CHDH: variants seen among roughly 807,000 people sequenced by gnomAD.
CHDH encodes the protein choline dehydrogenase, mitochondrial.
In CHDH, 43 loss-of-function variants were observed where a neutral mutation model predicts 56.9. The ratio of observed to expected loss-of-function variants is 0.76; its 90% CI spans 0.59 to 0.97. The LOEUF is 0.97. Ranked by LOEUF, CHDH falls within the 50% of genes least tolerant of loss-of-function variation. The pLI, the probability that CHDH is intolerant of heterozygous loss-of-function variation, is 0.00. For missense variants in CHDH, 816 were observed against 821.1 expected (o/e 0.99, Z 0.08); for synonymous variants, 364 against 348.5 (o/e 1.04, Z -0.50).
At chr3:53,831,098 T>C (rs1559758005) in intron 2 of CHDH, among the ~76,000 whole-genome samples, 1 of 152,192 alleles carries the variant, frequency 6.6e-6, no homozygotes, top group Non-Finnish European at 1.5e-5. Context: ...GAAGAGCCCT[T>C]GGGCCTTAAG....
rs764802189 is a variant in CHDH, at chr3:53,820,571, G to A, written c.1023C>T (p.Tyr341=). The A allele has an allele frequency of 8.1e-6, 13 of 1,613,964 alleles. No homozygotes were observed. The highest frequency in any genetic ancestry group is 1.1e-5 in the South Asian group (1 of 91,078). ...GQNLQDHLEI[Y]IQQACTRPIT... is the part of the protein sequence containing the mutation. ...TAGGGCGGGTGCATGCCTGCTGAAT[G>A]TAGATCTCCAGGTGGTCTTGCAGGT... is the stretch of plus-strand genomic sequence containing the variant. The change falls in exon 6 of 9, where the codon TAC becomes TAT. Residue 341 remains tyrosine (Y), a synonymous_variant. Transcript: ENST00000315251.
At chr3:53,842,112 A>C (rs1698686804) in intron 1 of CHDH, among the ~76,000 whole-genome samples, 1 of 151,676 alleles carries the variant, frequency 6.6e-6, no homozygotes, top group Non-Finnish European at 1.5e-5. Flanking sequence ...GCAACAGGAC[A>C]ACACTCTGTC....
intron 5 of CHDH, 139 bp from the exon 6 acceptor site, chr3:53,820,747 T>A: frequency 9.0e-7 from 1 of 1,115,048 alleles, no homozygotes; most frequent in Non-Finnish European, 1.3e-6. Flanking sequence ...GGTCTCAGCT[T>A]AAAGGCTGCC....
In CHDH at chr3:53,820,513, T is replaced by C. The variant is rs979927571; in HGVS notation, c.1081A>G (p.Lys361Glu). Residue 361 changes from lysine (K) to glutamate (E), a missense_variant, in exon 6 of 9, where the codon AAG (lysine) becomes GAG (glutamate). Lys to Glu is a moderately conservative substitution (Grantham distance 56). Transcript: ENST00000315251. ...TLHSAQKPLR[K>E]VCIGLEWLWK... ...AGCCACTCCAGACCAATGCAGACCT[T>C]CCGCAGGGGCTTCTGTGCTGAATGG... 15 of 1,613,840 alleles carry C rather than the reference T, an allele frequency of 9.3e-6. No individual in the cohort carries two copies. Among genetic ancestry groups the C allele is most frequent in the South Asian group, 3.3e-5 (3 of 91,068 alleles).
intron 2 of CHDH, among the ~76,000 whole-genome samples, chr3:53,829,153 G>C (rs1295256899): frequency 6.6e-6 from 1 of 152,120 alleles, no homozygotes; most frequent in African/African-American, 2.4e-5. Flanking sequence ...ATCAGAAAAG[G>C]CTACAAACCG....
intron 5 of CHDH, 55 bp downstream of exon 5, chr3:53,821,592 A>C: frequency 6.6e-7 from 1 of 1,520,112 alleles, no homozygotes; most frequent in East Asian, 2.3e-5. Context: ...TACATACACT[A>C]AGCCTTTTGT....
chr3:53,835,424 C>T (rs1253973828), intron 2 of CHDH, among the ~76,000 whole-genome samples: 10 of 152,234 alleles, frequency 6.6e-5, no homozygotes, highest in African/African-American at 2.4e-4. Context: ...ACTTGACCTT[C>T]ACACCTGTCA....
chr3:53,842,124 C>CA (rs57514436), intron 1 of CHDH, among the ~76,000 whole-genome samples: 12,203 of 137,870 alleles, frequency 0.089, 1,097 homozygotes, highest in African/African-American at 0.23. Flanking sequence ...CACTCTGTCT[C>CA]AAAAAAAAAA....
intron 1 of CHDH, among the ~76,000 whole-genome samples, chr3:53,845,726 G>T (rs1474195783): frequency 6.6e-6 from 1 of 152,204 alleles, no homozygotes; most frequent in East Asian, 1.9e-4. Flanking sequence ...AGGGAAACTT[G>T]AGAACCGCAG....
At chr3:53,841,975 C>A (rs934435751) in intron 1 of CHDH, among the ~76,000 whole-genome samples, 6 of 152,054 alleles carry the variant, frequency 3.9e-5, no homozygotes, top group Non-Finnish European at 7.4e-5. Flanking sequence ...AGCAAGACCC[C>A]ATTTCTAAAC....
At chr3:53,821,804 C>G (rs1423870491) in intron 4 of CHDH, 28 bp from the exon 5 acceptor site, 3 of 1,610,902 alleles carry the variant, frequency 1.9e-6, no homozygotes, top group East Asian at 2.2e-5. Flanking sequence ...AGGTCACTCC[C>G]TGAAAAGCCA....
chr3:53,830,664 A>G (rs1698304807), intron 2 of CHDH, among the ~76,000 whole-genome samples: 1 of 152,220 alleles, frequency 6.6e-6, no homozygotes, highest in Non-Finnish European at 1.5e-5. Flanking sequence ...TAACAGATAT[A>G]TACAAAACAT....
chr3:53,845,578 T>A (rs1371186729), intron 1 of CHDH, among the ~76,000 whole-genome samples: 1 of 152,182 alleles, frequency 6.6e-6, no homozygotes, highest in Non-Finnish European at 1.5e-5. Context: ...AAACCCACTG[T>A]GTCTCAAAGG....
chr3:53,813,739 A>C lies in CHDH; in HGVS notation c.*4038T>G, dbSNP rs1380927021. 1.3e-5 allele frequency: 2 copies of C among 152,316 alleles called. No homozygotes were observed. The highest frequency in any genetic ancestry group is 3.9e-4 in the East Asian group (2 of 5,186). 9.4% of individuals were successfully genotyped at this position (152,316 alleles called of 1,614,324 possible). On this transcript the variant is annotated 3_prime_UTR_variant, in exon 9 of 9. Transcript: ENST00000315251. ...ATTTTTCTTTGTAAGAAAAATTTGA[A>C]GTTGTAGAGCATGGTTTTTTGTTTT... is the stretch of plus-strand genomic sequence containing the variant.
rs919021402 is a variant in CHDH at position 53,816,397 on chromosome 3, T to C, written c.*1380A>G. 3 of 152,228 alleles carry C rather than the reference T, an allele frequency of 2.0e-5. No homozygotes were observed. Among genetic ancestry groups the C allele is most frequent in the African/African-American group, 7.2e-5 (3 of 41,456 alleles). The allele number at this position is 152,228 out of a possible 1,614,324, so 9.4% of individuals were successfully genotyped here. A position where few individuals can be genotyped will look rare whatever the true frequency, so the allele number is the denominator to read the frequency against. ...TGAGTGACTGGATCACTTTATTGAA[T>C]GGTAAGAAATTTAAAGAGCAAAGAG... On this transcript the variant is annotated 3_prime_UTR_variant, in exon 9 of 9. Coordinates refer to ENST00000315251, the MANE Select transcript of CHDH (RefSeq NM_018397.5).
Position 53,823,769 on chromosome 3 carries a change from C to G in CHDH, c.240G>C (p.Gly80=). ...GGATCTTCCACGAGAGCCGCTTGCTCCCCGCGAGCACGTCCTTGGGCCCGG... is the reference window on the plus strand; with the variant it reads ...GGATCTTCCACGAGAGCCGCTTGCTGCCCGCGAGCACGTCCTTGGGCCCGG... The part of the protein sequence containing the change: ...LEAGPKDVLA[G]SKRLSWKIHM... Residue 80 remains glycine, a synonymous_variant, in exon 3 of 9, where the codon GGG becomes GGC. Transcript: ENST00000315251. 1.9e-6 allele frequency: 3 copies of G among 1,564,292 alleles called. No homozygotes were observed. The highest frequency in any genetic ancestry group is 2.3e-5 in the South Asian group (2 of 85,420).
chr3:53,837,530 T>C (rs1379223352), intron 2 of CHDH, among the ~76,000 whole-genome samples: 2 of 152,234 alleles, frequency 1.3e-5, no homozygotes, highest in African/African-American at 2.4e-5. Flanking sequence ...CAGGGTTTCC[T>C]GTTGGTAAGG....
Position 53,822,523 on chromosome 3 carries a change from C to G in CHDH, c.823G>C (p.Val275Leu). 6.2e-7 allele frequency: 1 copy of G among 1,613,612 alleles called. No homozygotes were observed. The highest frequency in any genetic ancestry group is 8.5e-7 in the Non-Finnish European group (1 of 1,179,898). Residue 275 changes from valine (V) to leucine (L), a missense_variant, in exon 4 of 9, where the codon GTG (valine) becomes CTG (leucine). Val to Leu is a conservative substitution (Grantham distance 32). Coordinates refer to ENST00000315251, the MANE Select transcript of CHDH (RefSeq NM_018397.5). ...CTCTGGCCATTCTTGACATACTCCA[C>G]GCCCACTGCACGGGTGCCCTCAAAT... Reference protein sequence around the residue: ...VLFEGTRAVGVEYVKNGQSHR... With the variant: ...VLFEGTRAVGLEYVKNGQSHR...
chr3:53,842,116 C>G (rs2118421), intron 1 of CHDH, among the ~76,000 whole-genome samples: 1 of 150,404 alleles, frequency 6.6e-6, no homozygotes, highest in Admixed American at 6.6e-5. Context: ...CAGGACAACA[C>G]TCTGTCTCAA....
Sources: allele counts gnomAD v4.1 joint callset (sites outside exome capture counted in the v4.1 genomes callset), GRCh38; gene constraint gnomAD v4.1.1; transcripts MANE v1.5; gene names NCBI Gene and HGNC (gene_info 2026-07-23, HGNC 2026-07-21).